The following MOB1B variants were observed in gnomAD, a reference collection of about 807,000 sequenced individuals.
MOB1B encodes the protein MOB1 Mps One Binder homolog B.
A neutral mutation model predicts 24.4 loss-of-function variants in MOB1B; 19 were observed. That is an observed-to-expected ratio of 0.78 (90% CI 0.54 to 1.14). The LOEUF (loss-of-function observed/expected upper bound fraction) is 1.14. Among genes scored for constraint, MOB1B ranks in the 50% most tolerant of loss-of-function variants. MOB1B has a pLI of 0.00. For synonymous variants in MOB1B, 76 were observed against 82.1 expected (o/e 0.93, Z 0.40); for missense variants, 243 against 259.6 (o/e 0.94, Z 0.44).
At chr4:70,905,501 C>T (rs1735704798) in intron 1 of MOB1B, among the ~76,000 whole-genome samples, 1 of 151,964 alleles carries the variant, frequency 6.6e-6, no homozygotes, top group South Asian at 2.1e-4. Flanking sequence ...TCTTTGCCTT[C>T]CAAGATGCTG....
chr4:70,966,573 C>T (rs1381325032), intron 2 of MOB1B, among the ~76,000 whole-genome samples: 3 of 151,564 alleles, frequency 2.0e-5, no homozygotes, highest in Admixed American at 6.6e-5. Flanking sequence ...GGGGTTTCTC[C>T]ATGTTGGTCA....
At chr4:70,902,179 A>G, upstream of MOB1B, 3 of 431,568 alleles carry the variant, frequency 7.0e-6, no homozygotes, top group Non-Finnish European at 1.3e-5. Context: ...AGGAGACCAG[A>G]AGGTGAGAGT....
intron 5 of MOB1B, among the ~76,000 whole-genome samples, chr4:70,981,414 G>A (rs1269919012): frequency 6.6e-6 from 1 of 152,158 alleles, no homozygotes; most frequent in East Asian, 1.9e-4. Flanking sequence ...ATTTCTAAAG[G>A]AGCACAAATT....
At chr4:70,969,841 G>A in intron 2 of MOB1B, 90 bp from the exon 3 acceptor site, 3 of 606,822 alleles carry the variant, frequency 4.9e-6, no homozygotes, top group Admixed American at 3.1e-5. Context: ...GGGAACGAAC[G>A]CCAATAAGCC....
intron 1 of MOB1B, among the ~76,000 whole-genome samples, chr4:70,953,702 G>A (rs1272644486): frequency 2.0e-5 from 3 of 152,198 alleles, no homozygotes; most frequent in African/African-American, 7.2e-5. Context: ...CCAGCACTTT[G>A]GGAGGCTAAA....
At position 70,982,713 on chromosome 4, in the gene MOB1B, C is replaced by T. The variant is rs968330704; in HGVS notation, c.*656C>T. The T allele has an allele frequency of 1.3e-5, 2 of 152,556 alleles. No individual in the cohort carries two copies. The highest frequency in any genetic ancestry group is 2.9e-5 in the Non-Finnish European group (2 of 68,024). The allele number at this position is 152,556 out of a possible 1,614,324, so 9.5% of individuals were successfully genotyped here. A position where few individuals can be genotyped will look rare whatever the true frequency, so the allele number is the denominator to read the frequency against. The stretch of plus-strand genomic sequence containing the variant: ...ACGTTCAACAATGCTTAAAGCTCTA[C>T]AAGCAGGTCTTTTCCCACCTCTTGA... On this transcript the variant is annotated 3_prime_UTR_variant, in exon 6 of 6. Transcript: ENST00000309395.
chr4:70,969,799 T>A, intron 2 of MOB1B, 132 bp from the exon 3 acceptor site: 3 of 472,512 alleles, frequency 6.3e-6, no homozygotes, highest in East Asian at 3.4e-5. Flanking sequence ...GTATTGATAC[T>A]TCTGTGTATG....
chr4:70,976,735 T>G (rs1279731385), intron 4 of MOB1B: 3 of 621,040 alleles, frequency 4.8e-6, no homozygotes, highest in Non-Finnish European at 6.0e-6. Flanking sequence ...AAAAGAGCAA[T>G]TTTTCAAGAC....
rs1739285779 is a variant in MOB1B at position 70,983,592 on chromosome 4, A to G, written c.*1535A>G. ...TATATATCCTTCCTTCAGTTGAAAC[A>G]TATACCTTTTTCACATCTAGGAAGA... On this transcript the variant is annotated 3_prime_UTR_variant, in exon 6 of 6. Transcript: ENST00000309395. 1 of 152,588 alleles carries G rather than the reference A, an allele frequency of 6.6e-6. No individual in the cohort carries two copies. The highest frequency in any genetic ancestry group is 1.5e-5 in the Non-Finnish European group (1 of 67,996). 9.5% of individuals were successfully genotyped at this position (152,588 alleles called of 1,614,324 possible).
intron 1 of MOB1B, among the ~76,000 whole-genome samples, chr4:70,907,745 A>C (rs550673135): frequency 7.1e-4 from 108 of 152,252 alleles, no homozygotes; most frequent in African/African-American, 2.6e-3. Flanking sequence ...CCCAGGAGGC[A>C]GAAATTGCAG....
chr4:70,967,635 G>A (rs2148898551), intron 2 of MOB1B, among the ~76,000 whole-genome samples: 1 of 152,040 alleles, frequency 6.6e-6, no homozygotes, highest in South Asian at 2.1e-4. Flanking sequence ...AGTTTAATGA[G>A]GTTGTCAGCT....
At chr4:70,937,050 G>A (rs1183038173) in intron 1 of MOB1B, among the ~76,000 whole-genome samples, 1 of 151,714 alleles carries the variant, frequency 6.6e-6, no homozygotes, top group Non-Finnish European at 1.5e-5. Context: ...CCGAGTAGCT[G>A]GGGATTACAG....
chr4:70,906,769 A>C (rs76801530), intron 1 of MOB1B, among the ~76,000 whole-genome samples: 1 of 152,210 alleles, frequency 6.6e-6, no homozygotes, highest in African/African-American at 2.4e-5. Flanking sequence ...CTAAACTCTC[A>C]TGGTAGATAC....
chr4:70,947,127 A>G (rs1027225903), intron 1 of MOB1B, among the ~76,000 whole-genome samples: 17 of 152,202 alleles, frequency 1.1e-4, no homozygotes, highest in African/African-American at 3.4e-4. Context: ...ACTGGCCGTG[A>G]AATATCAGAC....
intron 1 of MOB1B, among the ~76,000 whole-genome samples, chr4:70,917,736 T>C (rs1241532113): frequency 3.3e-5 from 5 of 152,188 alleles, no homozygotes; most frequent in Non-Finnish European, 7.3e-5. Flanking sequence ...AAAACATGCA[T>C]TGAAAATAAC....
At chr4:70,938,701 G>A (rs13116142) in intron 1 of MOB1B, among the ~76,000 whole-genome samples, 13 of 7,960 alleles carry the variant, frequency 1.6e-3, no homozygotes, top group African/African-American at 2.8e-3. Context: ...ATCTAGAGGC[G>A]TCACTAATTC....
intron 1 of MOB1B, among the ~76,000 whole-genome samples, chr4:70,915,002 A>G (rs554696299): frequency 1.7e-4 from 26 of 152,318 alleles, no homozygotes; most frequent in African/African-American, 6.3e-4. Context: ...AAATGTTGGG[A>G]GGATTAGAGA....
intron 2 of MOB1B, among the ~76,000 whole-genome samples, chr4:70,960,222 C>G (rs1346205398): frequency 6.6e-6 from 1 of 152,004 alleles, no homozygotes; most frequent in African/African-American, 2.4e-5. Context: ...AAGTAGTCAT[C>G]TTATGAAATT....
intron 2 of MOB1B, among the ~76,000 whole-genome samples, chr4:70,960,157 C>A (rs573883147): frequency 6.6e-4 from 100 of 152,150 alleles, no homozygotes; most frequent in African/African-American, 2.3e-3. Context: ...GCTGGGATTA[C>A]AGGTGTGAGC....
Sources: gnomAD v4.1 joint callset for allele counts (sites outside exome capture counted in the v4.1 genomes callset) on GRCh38, gnomAD v4.1.1 for gene constraint, MANE v1.5 for transcripts, NCBI Gene and HGNC (gene_info 2026-07-23, HGNC 2026-07-21) for gene names.